Variants in TMEM178B observed in about 807,000 individuals in gnomAD.
The protein encoded by TMEM178B is transmembrane protein 178B.
In TMEM178B, 5 loss-of-function variants were observed where a neutral mutation model predicts 31.0. The ratio of observed to expected loss-of-function variants is 0.16; its 90% CI spans 0.08 to 0.34. The LOEUF is 0.34. Ranked by LOEUF, TMEM178B falls within the 10% of genes least tolerant of loss-of-function variation. The pLI is 1.00. For synonymous variants in TMEM178B, 164 were observed against 164.0 expected (o/e 1.00, Z 0.00); for missense variants, 275 against 400.3 (o/e 0.69, Z 2.67).
intron 2 of TMEM178B, among the ~76,000 whole-genome samples, chr7:141,390,642 G>A (rs771284102): frequency 2.8e-4 from 43 of 152,202 alleles, no homozygotes; most frequent in Non-Finnish European, 3.7e-4. Flanking sequence ...TACCTGCCCC[G>A]TTCTGACACG....
At position 141,128,223 on chromosome 7, in the gene TMEM178B, T is replaced by C. The variant is rs1795537830; in HGVS notation, c.382+53531T>C. ...CAACTGGTCATATCTAGAACCTGAA[T>C]ACAGTTCCACTGGGCCTGCTTTTTG... On this transcript the variant is annotated intron_variant, in intron 1 of 3. Transcript: ENST00000565468. Among the ~76,000 whole-genome samples, 3 of 152,192 alleles carry C rather than the reference T, an allele frequency of 2.0e-5. 1 individual carries two copies. In the South Asian group the frequency reaches 6.2e-4, roughly 32 times the overall value.
intron 2 of TMEM178B, among the ~76,000 whole-genome samples, chr7:141,326,112 G>A (rs1363193903): frequency 1.3e-5 from 2 of 152,258 alleles, no homozygotes; most frequent in South Asian, 2.1e-4. Flanking sequence ...TGTCTACCAT[G>A]CATTCACCAC....
intron 1 of TMEM178B, among the ~76,000 whole-genome samples, chr7:141,097,262 G>A (rs1486862537): frequency 4.0e-5 from 6 of 150,160 alleles, no homozygotes; most frequent in Non-Finnish European, 7.4e-5. Context: ...CCAGCTACTC[G>A]GGAGGCTGAG....
intron 1 of TMEM178B, 66 bp from the exon 2 acceptor site, chr7:141,212,525 T>C: frequency 7.4e-7 from 1 of 1,349,986 alleles, no homozygotes; most frequent in East Asian, 2.5e-5. Context: ...GAAAAATTAA[T>C]CCCAGAACTA....
chr7:141,484,198 T>C (rs1385312467), downstream of TMEM178B, among the ~76,000 whole-genome samples: 1 of 152,216 alleles, frequency 6.6e-6, no homozygotes, highest in Non-Finnish European at 1.5e-5. This position sits in a 1 kb window ranked among gnomAD's most constrained non-coding sequence, Gnocchi z 4.8. Context: ...GCAACTATCC[T>C]ATACAGGTAT....
chr7:141,323,380 T>C (rs1263832725), intron 2 of TMEM178B, among the ~76,000 whole-genome samples: 1 of 152,230 alleles, frequency 6.6e-6, no homozygotes, highest in Non-Finnish European at 1.5e-5. Context: ...TGTTTCAAGC[T>C]CATAATATTT....
chr7:141,380,418 A>C (rs1011048920), intron 2 of TMEM178B, among the ~76,000 whole-genome samples: 2 of 152,204 alleles, frequency 1.3e-5, no homozygotes, highest in East Asian at 1.9e-4. Context: ...CCTTCTTTGC[A>C]ATATCTAAAC....
At chr7:141,208,284 C>A (rs187161499) in intron 1 of TMEM178B, among the ~76,000 whole-genome samples, 2 of 152,190 alleles carry the variant, frequency 1.3e-5, no homozygotes, top group Non-Finnish European at 2.9e-5. Context: ...AGTCCTCCCC[C>A]ACCTGAGGCT....
At chr7:141,221,514 T>C (rs1477987145) in intron 2 of TMEM178B, among the ~76,000 whole-genome samples, 1 of 152,206 alleles carries the variant, frequency 6.6e-6, no homozygotes, top group African/African-American at 2.4e-5. Context: ...GGGAGGACTC[T>C]TAGCCAAAGG....
At chr7:141,267,952 G>A (rs1798119671) in intron 2 of TMEM178B, among the ~76,000 whole-genome samples, 1 of 152,214 alleles carries the variant, frequency 6.6e-6, no homozygotes, top group Non-Finnish European at 1.5e-5. Context: ...CAGTGTTGGA[G>A]CTGATAAAGA....
chr7:141,206,660 C>T lies in TMEM178B; in HGVS notation c.383-5931C>T, dbSNP rs550281523. Among the ~76,000 whole-genome samples, 13 of 152,314 alleles carry T rather than the reference C, an allele frequency of 8.5e-5. No individual in the cohort carries two copies. The South Asian group carries it at 2.7e-3, about 32-fold the overall frequency. ...GTCCTGGTGACAGCTTGCTCCTCTG[C>T]CCCTCCAGGCCTTGGGGTCATACCA... On this transcript the variant is annotated intron_variant, in intron 1 of 3. Coordinates refer to ENST00000565468, the MANE Select transcript of TMEM178B (RefSeq NM_001195278.2).
chr7:141,492,004 C>A, the TMEM178B span, among the ~76,000 whole-genome samples: 1 of 152,140 alleles, frequency 6.6e-6, no homozygotes, highest in Non-Finnish European at 1.5e-5. Context: ...AGGCTGAAAA[C>A]CACTCAATGG....
intron 2 of TMEM178B, among the ~76,000 whole-genome samples, chr7:141,417,511 A>G (rs1444745136): frequency 1.3e-5 from 2 of 152,210 alleles, no homozygotes. Flanking sequence ...TGAATGAATG[A>G]ATGGGCACTA....
At chr7:141,179,348 A>C (rs1796481217) in intron 1 of TMEM178B, among the ~76,000 whole-genome samples, 1 of 152,192 alleles carries the variant, frequency 6.6e-6, no homozygotes, top group African/African-American at 2.4e-5. Flanking sequence ...CAATGGAAAA[A>C]AATGGATACA....
At chr7:141,219,546 T>C (rs1797221030) in intron 2 of TMEM178B, among the ~76,000 whole-genome samples, 1 of 152,140 alleles carries the variant, frequency 6.6e-6, no homozygotes, top group South Asian at 2.1e-4. Flanking sequence ...GCAAGAAGAC[T>C]CAGCCAACAG....
chr7:141,161,614 C>G (rs575770595), intron 1 of TMEM178B, among the ~76,000 whole-genome samples: 1 of 151,984 alleles, frequency 6.6e-6, no homozygotes, highest in South Asian at 2.1e-4. Flanking sequence ...AGCAGTGGTC[C>G]CCCAGATCCA....
chr7:141,201,408 A>C (rs1250314102), intron 1 of TMEM178B, among the ~76,000 whole-genome samples: 4 of 152,166 alleles, frequency 2.6e-5, no homozygotes, highest in African/African-American at 4.8e-5. Context: ...GGAAGTGTTC[A>C]GCTGGAAGAA....
the TMEM178B span, among the ~76,000 whole-genome samples, chr7:141,493,596 A>G: frequency 6.6e-6 from 1 of 152,042 alleles, no homozygotes. Context: ...ACTGCAGGTA[A>G]TTTTTTTGTT....
At chr7:141,146,706 C>CT (rs1795858650) in intron 1 of TMEM178B, among the ~76,000 whole-genome samples, 2 of 152,202 alleles carry the variant, frequency 1.3e-5, no homozygotes, top group African/African-American at 4.8e-5. Context: ...TGGCCTGTCA[C>CT]TGGGGCTTAG....
Sources: gnomAD v4.1 joint callset for allele counts (sites outside exome capture counted in the v4.1 genomes callset) on GRCh38, gnomAD v4.1.1 for gene constraint, Gnocchi (gnomAD v3.1) non-coding constraint, MANE v1.5 for transcripts, NCBI Gene and HGNC (gene_info 2026-07-23, HGNC 2026-07-21) for gene names.